GRIP1: variants seen among roughly 807,000 people sequenced by gnomAD.
The protein encoded by GRIP1 is glutamate receptor interacting protein 1.
GRIP1 carries 45 observed loss-of-function variants against 129.9 expected under a neutral mutation model. The ratio of observed to expected loss-of-function variants is 0.35; its 90% CI spans 0.27 to 0.44. The LOEUF is 0.44. GRIP1 is among the 20% of genes least tolerant of loss of function. The pLI, the probability that GRIP1 is intolerant of heterozygous loss-of-function variation, is 1.00. For missense variants in GRIP1, 1,196 were observed against 1,396.8 expected (o/e 0.86, Z 2.29); for synonymous variants, 530 against 520.8 (o/e 1.02, Z -0.24).
chr12:66,579,296 C>T (rs1209014235), intron 2 of GRIP1, among the ~76,000 whole-genome samples: 1 of 152,020 alleles, frequency 6.6e-6, no homozygotes, highest in African/African-American at 2.4e-5. Flanking sequence ...TAGATAAAAC[C>T]ACAAAGATGG....
At chr12:66,492,884 T>C (rs7134378) in intron 7 of GRIP1, among the ~76,000 whole-genome samples, 104,150 of 151,852 alleles carry the variant, frequency 0.69, 36,144 homozygotes, top group Middle Eastern at 0.85. Context: ...GTGGCAGGCA[T>C]CTGTAATCCT....
intron 1 of GRIP1, among the ~76,000 whole-genome samples, chr12:66,903,144 A>G (rs10506514): frequency 0.26 from 39,418 of 152,016 alleles, 5,513 homozygotes; most frequent in East Asian, 0.45. Context: ...GAAATCCTTG[A>G]CTTATTACTA....
Position 66,825,379 on chromosome 12 carries a change from G to A in GRIP1, c.59-228452C>T, listed in dbSNP as rs568733696. Among the ~76,000 whole-genome samples, 7 of 152,054 alleles carry A rather than the reference G, an allele frequency of 4.6e-5. No individual in the cohort carries two copies. In the South Asian group the frequency reaches 6.2e-4, roughly 14 times the overall value. ...TAAATACAAAGTCTGCCAATATCACGCATGATCATATTATTTCGTACAAAG... is the reference window on the plus strand; with the variant it reads ...TAAATACAAAGTCTGCCAATATCACACATGATCATATTATTTCGTACAAAG... On this transcript the variant is annotated intron_variant, in intron 1 of 1. Coordinates refer to the GRIP1 transcript ENST00000643019.
At chr12:66,749,477 C>A (rs2037057482) in intron 1 of GRIP1, among the ~76,000 whole-genome samples, 1 of 152,192 alleles carries the variant, frequency 6.6e-6, no homozygotes. Flanking sequence ...TTTCTGTTCT[C>A]TAAATTAATT....
chr12:66,805,247 T>C (rs760272370), upstream of GRIP1, among the ~76,000 whole-genome samples: 6 of 152,168 alleles, frequency 3.9e-5, no homozygotes, highest in Non-Finnish European at 7.3e-5. Flanking sequence ...CATAATATGC[T>C]CACATGCTGT....
intron 1 of GRIP1, among the ~76,000 whole-genome samples, chr12:66,923,252 G>A (rs993525847): frequency 6.6e-5 from 10 of 152,146 alleles, no homozygotes; most frequent in Admixed American, 2.0e-4. Context: ...AAGCCAAAGC[G>A]GGAGGATCAC....
chr12:66,451,381 C>CTTTTT (rs2058792329), intron 11 of GRIP1, among the ~76,000 whole-genome samples: 2 of 40,738 alleles, frequency 4.9e-5, no homozygotes, highest in South Asian at 8.2e-4. Flanking sequence ...TTATTATAAT[C>CTTTTT]TGTTTTTTTT....
chr12:66,604,244 G>T (rs1473741694), intron 1 of GRIP1, among the ~76,000 whole-genome samples: 2 of 152,198 alleles, frequency 1.3e-5, no homozygotes, highest in African/African-American at 4.8e-5. Context: ...GATGCCTGCA[G>T]GCCTTTTGGG....
chr12:66,669,375 G>T (rs2033961643), intron 1 of GRIP1, among the ~76,000 whole-genome samples: 1 of 151,588 alleles, frequency 6.6e-6, no homozygotes, highest in Admixed American at 6.6e-5. Context: ...GTGACAGAGT[G>T]AGACTCTGTC....
intron 1 of GRIP1, among the ~76,000 whole-genome samples, chr12:66,778,405 G>A (rs1424210195): frequency 1.3e-5 from 2 of 152,090 alleles, no homozygotes; most frequent in East Asian, 3.9e-4. Context: ...CCAGTAAATG[G>A]GGATATGATC....
intron 1 of GRIP1, among the ~76,000 whole-genome samples, chr12:66,993,030 C>T (rs955987511): frequency 6.6e-6 from 1 of 151,838 alleles, no homozygotes; most frequent in Admixed American, 6.6e-5. Context: ...GGGAGCATCT[C>T]TTGAGCCCAG....
chr12:66,547,755 G>A (rs1465589528), intron 2 of GRIP1, among the ~76,000 whole-genome samples: 2 of 152,164 alleles, frequency 1.3e-5, no homozygotes, highest in Non-Finnish European at 2.9e-5. Flanking sequence ...GTTAGAAGTT[G>A]CCAGGGGTAA....
chr12:66,430,040 C>A (rs370794891), intron 14 of GRIP1, among the ~76,000 whole-genome samples: 1 of 152,180 alleles, frequency 6.6e-6, no homozygotes, highest in Non-Finnish European at 1.5e-5. Context: ...CCCTTGGAAG[C>A]TCATTTCTTG....
chr12:66,957,377 C>T (rs2041858060), intron 1 of GRIP1, among the ~76,000 whole-genome samples: 1 of 151,488 alleles, frequency 6.6e-6, no homozygotes, highest in Admixed American at 6.6e-5. Flanking sequence ...TATTGTTAAC[C>T]AGAGGCCATA....
chr12:66,878,337 G>A (rs750853259), intron 1 of GRIP1, among the ~76,000 whole-genome samples: 1 of 152,052 alleles, frequency 6.6e-6, no homozygotes, highest in Admixed American at 6.6e-5. Context: ...TAGGGGAACC[G>A]AGAAGGCTTT....
intron 1 of GRIP1, among the ~76,000 whole-genome samples, chr12:66,747,317 C>A (rs1260962492): frequency 2.0e-5 from 3 of 152,120 alleles, no homozygotes. Context: ...AATAACTTGA[C>A]TAATAACCAT....
At chr12:66,540,043 A>C (rs1235525418) in intron 3 of GRIP1, among the ~76,000 whole-genome samples, 1 of 152,236 alleles carries the variant, frequency 6.6e-6, no homozygotes, top group Non-Finnish European at 1.5e-5. Flanking sequence ...CCTCCTTCAA[A>C]GAGCCTCCTA....
At chr12:66,472,568 C>G (rs552433378) in intron 7 of GRIP1, among the ~76,000 whole-genome samples, 1 of 152,168 alleles carries the variant, frequency 6.6e-6, no homozygotes, top group Non-Finnish European at 1.5e-5. Context: ...CAGTCTGCAG[C>G]TCGCAGCAAG....
intron 1 of GRIP1, among the ~76,000 whole-genome samples, chr12:66,892,967 TAAACA>T (rs1344301985): frequency 6.6e-6 from 1 of 152,048 alleles, no homozygotes; most frequent in Non-Finnish European, 1.5e-5. Context: ...CGCTGCCTCA[TAAACA>T]AAACAAAACA....
Sources: gnomAD v4.1 joint callset for allele counts (sites outside exome capture counted in the v4.1 genomes callset) on GRCh38, gnomAD v4.1.1 for gene constraint, MANE v1.5 for transcripts, NCBI Gene and HGNC (gene_info 2026-07-23, HGNC 2026-07-21) for gene names.